The following POU6F2 variants were observed in gnomAD, a reference collection of about 807,000 sequenced individuals.
The protein encoded by POU6F2 is POU class 6 homeobox 2.
In POU6F2, 31 loss-of-function variants were observed where a neutral mutation model predicts 71.3. The ratio of observed to expected loss-of-function variants is 0.43; its 90% CI spans 0.33 to 0.59. The LOEUF (loss-of-function observed/expected upper bound fraction) is 0.59. POU6F2 is among the 20% of genes least tolerant of loss of function. The pLI, the probability that POU6F2 is intolerant of heterozygous loss-of-function variation, is 0.04. For synonymous variants in POU6F2, 347 were observed against 355.7 expected (o/e 0.98, Z 0.27); for missense variants, 783 against 856.8 (o/e 0.91, Z 1.07).
intron 5 of POU6F2, among the ~76,000 whole-genome samples, chr7:39,367,793 T>A (rs1786533559): frequency 6.6e-6 from 1 of 152,222 alleles, no homozygotes; most frequent in Non-Finnish European, 1.5e-5. Context: ...TGTCTCTGTG[T>A]CACATTTTGG....
chr7:39,360,852 A>G (rs1216479878), intron 5 of POU6F2, among the ~76,000 whole-genome samples: 2 of 152,112 alleles, frequency 1.3e-5, no homozygotes, highest in African/African-American at 4.8e-5. Context: ...TGCTGGTGAG[A>G]GTGTAGCAGT....
chr7:39,390,751 T>A (rs1787056925), intron 5 of POU6F2, among the ~76,000 whole-genome samples: 2 of 152,184 alleles, frequency 1.3e-5, no homozygotes, highest in Admixed American at 1.3e-4. Context: ...TTCTAAGGGA[T>A]GTTAGTGGCG....
intron 1 of POU6F2, among the ~76,000 whole-genome samples, chr7:39,022,917 C>T (rs1246886833): frequency 3.9e-5 from 6 of 152,006 alleles, no homozygotes; most frequent in African/African-American, 7.2e-5. Context: ...TTATAAGAAA[C>T]TGTCAGTTTT....
rs574439200 is a variant in POU6F2, at chr7:39,464,974, C to T, written c.*288C>T. On this transcript the variant is annotated 3_prime_UTR_variant, in exon 10 of 10. Transcript: ENST00000518318. The surrounding 1 kb of genome is among the most constrained non-coding windows in gnomAD (Gnocchi z 4.1). ...GATAGTTCCCTTCCCCCACCTGTCT[C>T]CCCCAAAGCCAGTTTTTTAATGGAC... is the stretch of plus-strand genomic sequence containing the variant. The T allele has an allele frequency of 1.7e-5, 6 of 348,264 alleles. No individual in the cohort carries two copies. Among genetic ancestry groups the T allele is most frequent in the African/African-American group, 1.2e-4 (6 of 48,172 alleles). The allele number at this position is 348,264 out of a possible 1,614,324, so 21.6% of individuals were successfully genotyped here.
intron 4 of POU6F2, among the ~76,000 whole-genome samples, chr7:39,220,335 A>G (rs1017716321): frequency 6.6e-6 from 1 of 152,126 alleles, no homozygotes; most frequent in Non-Finnish European, 1.5e-5. Context: ...AAGCTAAATT[A>G]TATCAGTCTC....
intron 2 of POU6F2, among the ~76,000 whole-genome samples, chr7:39,182,656 C>G (rs753475427): frequency 3.3e-5 from 5 of 152,244 alleles, no homozygotes; most frequent in Middle Eastern, 3.4e-3. Context: ...GAATGTTTCT[C>G]CTCGGTTTAA....
chr7:39,135,166 A>T (rs2128730533), intron 2 of POU6F2, among the ~76,000 whole-genome samples: 1 of 152,368 alleles, frequency 6.6e-6, no homozygotes. Context: ...ATATCTGAAA[A>T]TCTGGATGAA....
chr7:39,042,266 T>C (rs12671046), intron 1 of POU6F2, among the ~76,000 whole-genome samples: 43,114 of 151,922 alleles, frequency 0.28, 6,780 homozygotes, highest in East Asian at 0.72. Context: ...TACTCCCCAC[T>C]GTGGCATACA....
At chr7:39,152,564 C>T (rs1428146335) in intron 2 of POU6F2, among the ~76,000 whole-genome samples, 1 of 152,068 alleles carries the variant, frequency 6.6e-6, no homozygotes, top group Non-Finnish European at 1.5e-5. Flanking sequence ...TGGTCTTCTC[C>T]CTGTGGCTGG....
chr7:39,290,933 A>C (rs1055567892), intron 4 of POU6F2, among the ~76,000 whole-genome samples: 1 of 151,796 alleles, frequency 6.6e-6, no homozygotes, highest in Non-Finnish European at 1.5e-5. Flanking sequence ...TAATGTCACT[A>C]CTATAAAGAA....
At chr7:38,983,055 C>A (rs1788364165) in intron 1 of POU6F2, among the ~76,000 whole-genome samples, 1 of 152,040 alleles carries the variant, frequency 6.6e-6, no homozygotes, top group African/African-American at 2.4e-5. Context: ...TACTGAAAAA[C>A]TTCACTTTTC....
At chr7:39,076,451 C>A (rs1354980194) in intron 1 of POU6F2, among the ~76,000 whole-genome samples, 1 of 152,180 alleles carries the variant, frequency 6.6e-6, no homozygotes, top group Non-Finnish European at 1.5e-5. Context: ...ACCCTCGTGG[C>A]ACGCATTTAC....
At chr7:39,374,436 A>G (rs1249574846) in intron 5 of POU6F2, among the ~76,000 whole-genome samples, 2 of 152,196 alleles carry the variant, frequency 1.3e-5, no homozygotes, top group Admixed American at 1.3e-4. Flanking sequence ...ACCGTGAGAT[A>G]CTGACAGCTT....
intron 5 of POU6F2, among the ~76,000 whole-genome samples, chr7:39,371,412 C>T (rs1226747807): frequency 6.6e-6 from 1 of 152,170 alleles, no homozygotes; most frequent in Non-Finnish European, 1.5e-5. Context: ...AACTCTTGAC[C>T]TCATGATCTG....
intron 4 of POU6F2, among the ~76,000 whole-genome samples, chr7:39,332,437 A>G (rs1053488686): frequency 1.3e-5 from 2 of 152,246 alleles, no homozygotes; most frequent in East Asian, 3.8e-4. Context: ...ATTTTGCTGA[A>G]GTACCTATTC....
intron 2 of POU6F2, among the ~76,000 whole-genome samples, chr7:39,149,536 A>G (rs376366672): frequency 9.2e-4 from 140 of 152,304 alleles, no homozygotes; most frequent in African/African-American, 3.2e-3. Context: ...GAGCAGCTAA[A>G]ATCTATTTAT....
At chr7:39,212,556 A>C (rs146588101) in intron 4 of POU6F2, among the ~76,000 whole-genome samples, 5 of 152,150 alleles carry the variant, frequency 3.3e-5, no homozygotes, top group Admixed American at 6.5e-5. Flanking sequence ...TCCCCTTCCA[A>C]GTACCATCCA....
chr7:38,984,082 AT>A (rs1788400203), intron 1 of POU6F2, among the ~76,000 whole-genome samples: 1 of 152,098 alleles, frequency 6.6e-6, no homozygotes, highest in Non-Finnish European at 1.5e-5. Context: ...GACAAAAAAA[AT>A]TGAAGATCAA....
chr7:39,355,695 A>G (rs1352460049), intron 5 of POU6F2, among the ~76,000 whole-genome samples: 1 of 152,082 alleles, frequency 6.6e-6, no homozygotes, highest in Non-Finnish European at 1.5e-5. Flanking sequence ...GCCCACACAC[A>G]CGTATCTTCC....
Sources: gnomAD v4.1 joint callset for allele counts (sites outside exome capture counted in the v4.1 genomes callset) on GRCh38, gnomAD v4.1.1 for gene constraint, Gnocchi (gnomAD v3.1) non-coding constraint, MANE v1.5 for transcripts, NCBI Gene and HGNC (gene_info 2026-07-23, HGNC 2026-07-21) for gene names.